ZNF236: variants seen among roughly 807,000 people sequenced by gnomAD.
The protein encoded by ZNF236 is regulated by glucose.
ZNF236 carries 50 observed loss-of-function variants against 191.2 expected under a neutral mutation model. The observed-to-expected ratio is 0.26, with a 90% CI of 0.21 to 0.33. ZNF236 has a LOEUF of 0.33. Ranked by LOEUF, ZNF236 falls within the 10% of genes least tolerant of loss-of-function variation. The pLI, the probability that ZNF236 is intolerant of heterozygous loss-of-function variation, is 1.00. For missense variants in ZNF236, 1,754 were observed against 2,374.5 expected (o/e 0.74, Z 5.43); for synonymous variants, 907 against 928.8 (o/e 0.98, Z 0.43).
At chr18:76,949,544 A>T (rs550469814) in intron 27 of ZNF236, among the ~76,000 whole-genome samples, 1 of 152,202 alleles carries the variant, frequency 6.6e-6, no homozygotes, top group African/African-American at 2.4e-5. Flanking sequence ...GAGCACTGCA[A>T]TAAAGCGATT....
intron 3 of ZNF236, among the ~76,000 whole-genome samples, chr18:76,867,215 A>G (rs1976443645): frequency 1.1e-5 from 1 of 94,392 alleles, no homozygotes; most frequent in Non-Finnish European, 2.1e-5. Context: ...AGATGCATTC[A>G]GGACTGCAGA....
intron 1 of ZNF236, chr18:76,824,331 G>A (rs1974956810): frequency 1.3e-6 from 1 of 781,106 alleles, no homozygotes; most frequent in Admixed American, 1.7e-5. Context: ...TGACCAACAG[G>A]CGTTTCAGCG....
At chr18:76,886,814 T>C (rs1167058721) in intron 9 of ZNF236, 1 of 155,564 alleles carries the variant, frequency 6.4e-6, no homozygotes, top group Non-Finnish European at 1.4e-5. Context: ...TGTTTCAAAA[T>C]CTGAACATAA....
chr18:76,900,605 A>G (rs974485000), intron 11 of ZNF236, among the ~76,000 whole-genome samples: 6 of 152,364 alleles, frequency 3.9e-5, no homozygotes, highest in East Asian at 1.9e-4. Context: ...ATTTCATTAC[A>G]TGAAAAGAAG....
rs1255637982 is a variant in ZNF236 at position 76,881,477 on chromosome 18, A to T, written c.1382A>T (p.Lys461Ile). The change falls in exon 9 of 31, where the codon AAA becomes ATA. Residue 461 changes from lysine (K) to isoleucine (I), a missense_variant. This residue lies in a region of ZNF236 where 126 missense variants were observed against 110.9 expected (regional missense o/e 1.14). Coordinates refer to ENST00000320610, the MANE Select transcript of ZNF236 (RefSeq NM_001306089.2). ...ESPEKLDKKEKKMIKKKSPFL... is the reference protein window; with the variant it reads ...ESPEKLDKKEIKMIKKKSPFL... Reference sequence around the variant, plus strand: ...CCGGAGAAACTGGATAAAAAAGAAAAAAAAATGATAAAGAAGAAGTCACCG... The same window carrying T: ...CCGGAGAAACTGGATAAAAAAGAAATAAAAATGATAAAGAAGAAGTCACCG... The T allele has an allele frequency of 1.2e-6, 2 of 1,612,828 alleles. No homozygotes were observed. Among genetic ancestry groups the T allele is most frequent in the Non-Finnish European group, 1.7e-6 (2 of 1,179,774 alleles).
intron 30 of ZNF236, among the ~76,000 whole-genome samples, chr18:76,964,395 G>A (rs1968727602): frequency 6.6e-6 from 1 of 152,080 alleles, no homozygotes; most frequent in Non-Finnish European, 1.5e-5. Context: ...GAATTTATTT[G>A]CAGTTTTATT....
chr18:76,836,680 C>G (rs1252066923), intron 1 of ZNF236, among the ~76,000 whole-genome samples: 2 of 151,050 alleles, frequency 1.3e-5, no homozygotes, highest in African/African-American at 4.9e-5. Context: ...CGGGTTCATG[C>G]CATTCTCCTG....
At chr18:76,843,803 A>AAAAAAAAAAAAAAAAAAGAAAAAAAAG in intron 1 of ZNF236, among the ~76,000 whole-genome samples, 1 of 62,080 alleles carries the variant, frequency 1.6e-5, no homozygotes, top group Non-Finnish European at 2.8e-5. Context: ...AAAAAAAAAA[A>AAAAAAAAAAAAAAAAAAGAAAAAAAAG]AAGTAAAGAA....
chr18:76,875,435 C>A lies in ZNF236; in HGVS notation c.668-57C>A. Reference sequence around the variant, plus strand: ...TAACTTCAGTGTTGTTCTTTTCAATCCGTAAGATGCCCATACAATATGGAA... The same window carrying A: ...TAACTTCAGTGTTGTTCTTTTCAATACGTAAGATGCCCATACAATATGGAA... On this transcript the variant is annotated intron_variant, in intron 5 of 30. Transcript: ENST00000320610. This position sits in a 1 kb window ranked among gnomAD's most constrained non-coding sequence, Gnocchi z 4.3. 1 of 1,403,584 alleles carries A rather than the reference C, an allele frequency of 7.1e-7. No individual in the cohort carries two copies. Among genetic ancestry groups the A allele is most frequent in the South Asian group, 1.8e-5 (1 of 56,088 alleles). The allele number at this position is 1,403,584 out of a possible 1,614,324, so 86.9% of individuals were successfully genotyped here.
At position 76,871,821 on chromosome 18, in the gene ZNF236, C is replaced by T. The variant is rs1323396426; in HGVS notation, c.663C>T (p.His221=). ...AGTTAACGCGACACATTAGGATACA[C>T]ACAGGTATGAAAACACTGACTTCTG... is the stretch of plus-strand genomic sequence containing the variant. The part of the protein sequence containing the change: ...PSQLTRHIRI[H]TGERPFKCSE... Residue 221 remains histidine, a synonymous_variant, in exon 5 of 31, where the codon CAC becomes CAT. Transcript: ENST00000320610. 2 of 1,614,178 alleles carry T rather than the reference C, an allele frequency of 1.2e-6. No homozygotes were observed. Among genetic ancestry groups the T allele is most frequent in the Non-Finnish European group, 1.7e-6 (2 of 1,180,020 alleles).
intron 1 of ZNF236, chr18:76,824,312 A>AAACGTTGGTGACCAGTGACC (rs746285923): frequency 2.6e-6 from 2 of 781,092 alleles, no homozygotes; most frequent in Non-Finnish European, 4.8e-6. Flanking sequence ...CACATTACGG[A>AAACGTTGGTGACCAGTGACC]AACGTTGGTG....
At chr18:76,889,925 T>A (rs1468192672) in intron 9 of ZNF236, among the ~76,000 whole-genome samples, 1 of 152,200 alleles carries the variant, frequency 6.6e-6, no homozygotes, top group Non-Finnish European at 1.5e-5. Context: ...ATGTTATTTT[T>A]TAGGTTACTT....
chr18:76,837,632 G>A (rs1975375713), intron 1 of ZNF236, among the ~76,000 whole-genome samples: 1 of 151,834 alleles, frequency 6.6e-6, no homozygotes, highest in South Asian at 2.1e-4. Context: ...AGTAGAGACA[G>A]GGTTTCACCA....
chr18:76,925,698 G>A lies in ZNF236; in HGVS notation c.4027+144G>A. On this transcript the variant is annotated intron_variant, in intron 22 of 30. Transcript: ENST00000320610. The surrounding 1 kb of genome is among the most constrained non-coding windows in gnomAD (Gnocchi z 5.7). ...GAGCCTTTTCCTTATAAGGCATTCGGAAAAATTGGAATTCCGTCTTGCAGA... is the reference window on the plus strand; with the variant it reads ...GAGCCTTTTCCTTATAAGGCATTCGAAAAAATTGGAATTCCGTCTTGCAGA... 5.1e-6 allele frequency: 6 copies of A among 1,182,256 alleles called. No homozygotes were observed. The highest frequency in any genetic ancestry group is 6.9e-6 in the Non-Finnish European group (6 of 873,332). 73.2% of individuals were successfully genotyped at this position (1,182,256 alleles called of 1,614,324 possible).
intron 27 of ZNF236, among the ~76,000 whole-genome samples, chr18:76,955,516 G>C (rs532351615): frequency 6.6e-6 from 1 of 152,176 alleles, no homozygotes; most frequent in Non-Finnish European, 1.5e-5. Flanking sequence ...CCACGGTTTG[G>C]AAAAAATGGT....
intron 17 of ZNF236, among the ~76,000 whole-genome samples, chr18:76,913,319 A>G (rs1440050958): frequency 6.6e-6 from 1 of 152,208 alleles, no homozygotes; most frequent in Admixed American, 6.5e-5. Flanking sequence ...GAGTACATGG[A>G]TTGGCATTTC....
intron 13 of ZNF236, among the ~76,000 whole-genome samples, chr18:76,907,577 C>G (rs1435768253): frequency 6.6e-6 from 1 of 152,204 alleles, no homozygotes; most frequent in African/African-American, 2.4e-5. Flanking sequence ...GATCCTCCAG[C>G]CTTGGCCTCC....
At chr18:76,914,866 ATGTATATTT>A (rs138152308) in intron 18 of ZNF236, among the ~76,000 whole-genome samples, 5,307 of 152,260 alleles carry the variant, frequency 0.035, 135 homozygotes, top group Non-Finnish European at 0.051. Flanking sequence ...TTTAATATCA[ATGTATATTT>A]TGTATAAGGC....
intron 26 of ZNF236, among the ~76,000 whole-genome samples, chr18:76,947,029 T>C (rs568001797): frequency 4.6e-5 from 7 of 152,266 alleles, no homozygotes; most frequent in Admixed American, 2.6e-4. Context: ...TCACTCCATG[T>C]TCCCCCGACC....
Sources: allele counts gnomAD v4.1 joint callset (sites outside exome capture counted in the v4.1 genomes callset), GRCh38; gene constraint gnomAD v4.1.1; regional missense constraint gnomAD v4.1.1; non-coding constraint Gnocchi (gnomAD v3.1); transcripts MANE v1.5; gene names NCBI Gene and HGNC (gene_info 2026-07-23, HGNC 2026-07-21).